Variants in SNX2 observed in about 807,000 individuals in gnomAD.
The protein encoded by SNX2 is sorting nexin 2, also known as sorting nexin-2.
A neutral mutation model predicts 69.9 loss-of-function variants in SNX2; 25 were observed. The ratio of observed to expected loss-of-function variants is 0.36; its 90% CI spans 0.26 to 0.50. The LOEUF (loss-of-function observed/expected upper bound fraction) is 0.50. Among genes scored for constraint, SNX2 ranks in the 20% least tolerant of loss-of-function variants. The pLI, the probability that SNX2 is intolerant of heterozygous loss-of-function variation, is 0.97. For synonymous variants in SNX2, 229 were observed against 200.4 expected (o/e 1.14, Z -1.20); for missense variants, 551 against 613.3 (o/e 0.90, Z 1.07).
chr5:122,806,142 G>GCACACACACACACACACACACACACACA (rs139834252), intron 6 of SNX2, among the ~76,000 whole-genome samples: 15 of 130,642 alleles, frequency 1.1e-4, no homozygotes, highest in Admixed American at 4.6e-4. Context: ...ACACGCGCGC[G>GCACACACACACACACACACACACACACA]CACACACACA....
At chr5:122,823,282 A>T (rs1376105635) in intron 11 of SNX2, among the ~76,000 whole-genome samples, 1 of 152,092 alleles carries the variant, frequency 6.6e-6, no homozygotes, top group African/African-American at 2.4e-5. Flanking sequence ...GTTCTTTTTT[A>T]TTTTCTGTTA....
intron 1 of SNX2, among the ~76,000 whole-genome samples, chr5:122,789,463 A>ACACG (rs1554061816): frequency 1.1e-4 from 6 of 54,572 alleles, no homozygotes; most frequent in African/African-American, 4.9e-4. Flanking sequence ...ACACACACAC[A>ACACG]GACACACACG....
rs765209600 is a variant in SNX2, at chr5:122,827,445, G to T, written c.1423G>T (p.Val475Leu). The T allele has an allele frequency of 4.3e-6, 7 of 1,613,494 alleles. No homozygotes were observed. The Admixed American group carries it at 1.0e-4, about 23-fold the overall frequency. ...EQISKTIRKE[V>L]GRFEKERVKD... ...GATATCTAAAACGATTCGAAAAGAA[G>T]TGGGAAGATTTGAGGCATGTATAAT... is the stretch of plus-strand genomic sequence containing the variant. Residue 475 changes from valine (V) to leucine (L), a missense_variant, in exon 13 of 15, where the codon GTG (valine) becomes TTG (leucine). By Grantham distance (32) the Val-to-Leu change is conservative. Coordinates refer to ENST00000379516, the MANE Select transcript of SNX2 (RefSeq NM_003100.4).
intron 1 of SNX2, among the ~76,000 whole-genome samples, chr5:122,794,466 A>G (rs1223718869): frequency 1.3e-5 from 2 of 152,244 alleles, no homozygotes; most frequent in Non-Finnish European, 2.9e-5. Flanking sequence ...ACAGTAAAAC[A>G]GTGCTTTGAA....
intron 6 of SNX2, among the ~76,000 whole-genome samples, chr5:122,806,138 G>GCACACACACACACACA (rs1314424933): frequency 5.0e-4 from 31 of 61,590 alleles, no homozygotes; most frequent in African/African-American, 1.3e-3. Context: ...ATACACACGC[G>GCACACACACACACACA]CGCGCACACA....
intron 7 of SNX2, among the ~76,000 whole-genome samples, chr5:122,809,295 C>CCTGGAACCAGTA (rs1279420122): frequency 3.3e-5 from 5 of 152,134 alleles, no homozygotes; most frequent in African/African-American, 4.8e-5. Flanking sequence ...CATAGGATGT[C>CCTGGAACCAGTA]CTGGAACCAG....
At chr5:122,801,461 T>C (rs2150008134) in intron 3 of SNX2, among the ~76,000 whole-genome samples, 1 of 151,992 alleles carries the variant, frequency 6.6e-6, no homozygotes, top group East Asian at 1.9e-4. Context: ...AAAAATCACC[T>C]GGGTGTGGTG....
chr5:122,806,142 G>GCGCACACACACACACACACACA lies in SNX2; in HGVS notation c.644-2134_644-2133insGCACACACACACACACACACAC. Reference sequence around the variant, plus strand: ...TGTGTATATATATACACACGCGCGCGCACACACACACACACACACACACAC... The same window carrying GCGCACACACACACACACACACA: ...TGTGTATATATATACACACGCGCGCGCGCACACACACACACACACACACACACACACACACACACACACACAC... On this transcript the variant is annotated intron_variant, in intron 6 of 14. Transcript: ENST00000379516. Among the ~76,000 whole-genome samples the GCGCACACACACACACACACACA allele has an allele frequency of 1.9e-3, 250 of 130,636 alleles. 1 individual carries two copies. The highest frequency in any genetic ancestry group is 3.8e-3 in the Middle Eastern group (1 of 260). 85.7% of individuals were successfully genotyped at this position (130,636 alleles called of 152,430 possible). A position where few individuals can be genotyped will look rare whatever the true frequency, so the allele number is the denominator to read the frequency against.
intron 1 of SNX2, among the ~76,000 whole-genome samples, chr5:122,781,898 C>T (rs1752986733): frequency 6.6e-6 from 1 of 151,614 alleles, no homozygotes; most frequent in African/African-American, 2.4e-5. Flanking sequence ...ATATATAAAG[C>T]TCCTTGCTTT....
chr5:122,795,515 TG>T, intron 2 of SNX2, 132 bp downstream of exon 2: 1 of 633,398 alleles, frequency 1.6e-6, no homozygotes, highest in Non-Finnish European at 2.7e-6. Flanking sequence ...CTTAGAAGGA[TG>T]GGGAATTTCC....
intron 2 of SNX2, among the ~76,000 whole-genome samples, chr5:122,798,477 T>G (rs1197228065): frequency 6.6e-6 from 1 of 152,184 alleles, no homozygotes; most frequent in Non-Finnish European, 1.5e-5. Flanking sequence ...ATAACCTTAT[T>G]TCAGGTAAAT....
At chr5:122,793,812 C>T (rs1246397938) in intron 1 of SNX2, among the ~76,000 whole-genome samples, 1 of 150,914 alleles carries the variant, frequency 6.6e-6, no homozygotes, top group African/African-American at 2.4e-5. Context: ...ACTCAGGAGG[C>T]TGAGGCAGAA....
intron 1 of SNX2, among the ~76,000 whole-genome samples, chr5:122,791,502 G>A (rs956332836): frequency 6.6e-6 from 1 of 152,204 alleles, no homozygotes; most frequent in Non-Finnish European, 1.5e-5. Context: ...GGCTGGTCTC[G>A]AACTCTTGAC....
chr5:122,804,135 T>C (rs974055270), intron 6 of SNX2, among the ~76,000 whole-genome samples: 4 of 148,998 alleles, frequency 2.7e-5, no homozygotes, highest in Admixed American at 2.0e-4. Flanking sequence ...AAAAAAAAAA[T>C]TGGGTTGAAA....
intron 11 of SNX2, among the ~76,000 whole-genome samples, chr5:122,821,324 T>G (rs1356212123): frequency 6.6e-6 from 1 of 152,148 alleles, no homozygotes; most frequent in Admixed American, 6.5e-5. Flanking sequence ...TCTGTCCATT[T>G]ATTCCTTCCA....
intron 7 of SNX2, among the ~76,000 whole-genome samples, chr5:122,814,334 A>C (rs1159264892): frequency 2.6e-5 from 4 of 152,228 alleles, no homozygotes; most frequent in African/African-American, 9.6e-5. Context: ...TTCTTGCTGC[A>C]TCCCTTTTTT....
intron 1 of SNX2, among the ~76,000 whole-genome samples, chr5:122,792,235 T>C (rs1193105632): frequency 6.6e-6 from 1 of 152,238 alleles, no homozygotes; most frequent in Non-Finnish European, 1.5e-5. Flanking sequence ...GGTAGTTTAC[T>C]TAAAAAGCTG....
At chr5:122,808,736 G>C (rs1304418928) in intron 7 of SNX2, 1 of 157,798 alleles carries the variant, frequency 6.3e-6, no homozygotes, top group Admixed American at 6.2e-5. Flanking sequence ...GTTGTGAATG[G>C]GGGGAAAAAT....
rs1034961360 is a variant in SNX2, at chr5:122,831,810, T to G, written c.*2162T>G. Among the ~76,000 whole-genome samples, 4 of 152,182 alleles carry G rather than the reference T, an allele frequency of 2.6e-5. No individual in the cohort carries two copies. Among genetic ancestry groups the G allele is most frequent in the Admixed American group, 6.5e-5 (1 of 15,272 alleles). On this transcript the variant is annotated 3_prime_UTR_variant, in exon 15 of 15. Coordinates refer to ENST00000379516, the MANE Select transcript of SNX2 (RefSeq NM_003100.4). ...AATCTTCCATTCAGATGTGGTACAT[T>G]AGAATATTCAGTACCTCCAAGTAAA...
Sources: gnomAD v4.1 joint callset for allele counts (sites outside exome capture counted in the v4.1 genomes callset) on GRCh38, gnomAD v4.1.1 for gene constraint, MANE v1.5 for transcripts, NCBI Gene and HGNC (gene_info 2026-07-23, HGNC 2026-07-21) for gene names.